SUOX: variants seen among roughly 807,000 people sequenced by gnomAD.
SUOX encodes sulfite oxidase, also known as sulfite oxidase, mitochondrial.
In SUOX, 39 loss-of-function variants were observed where a neutral mutation model predicts 41.9. That is an observed-to-expected ratio of 0.93 (90% CI 0.72 to 1.21). The LOEUF (loss-of-function observed/expected upper bound fraction) is 1.21. SUOX is among the 50% of genes most tolerant of loss of function. SUOX has a pLI of 0.00. For missense variants in SUOX, 633 were observed against 689.5 expected (o/e 0.92, Z 0.92); for synonymous variants, 220 against 268.4 (o/e 0.82, Z 1.76).
chr12:55,998,197 G>A (rs1340171513), intron 2 of SUOX, among the ~76,000 whole-genome samples: 1 of 152,110 alleles, frequency 6.6e-6, no homozygotes, highest in Non-Finnish European at 1.5e-5. Context: ...CTTTTCCTGA[G>A]TTTCAGTTAG....
In SUOX at chr12:56,004,254, A is replaced by C; in HGVS notation, c.865A>C (p.Ser289Arg). The change falls in exon 5 of 5, where the codon AGC (serine) becomes CGC (arginine). Residue 289 changes from serine to arginine, a missense_variant. Physicochemically the swap from Ser to Arg is moderately radical, Grantham distance 110. Coordinates refer to ENST00000266971, the MANE Select transcript of SUOX (RefSeq NM_001032386.2). This position sits in a 1 kb window ranked among gnomAD's most constrained non-coding sequence, Gnocchi z 4.5. ...KGLEWRTGAI[S>R]TARWAGARLC... is the part of the protein sequence containing the mutation. ...TCTGGAGTGGAGAACAGGAGCCATC[A>C]GCACTGCACGCTGGGCTGGGGCACG... is the stretch of plus-strand genomic sequence containing the variant. 1 of 1,614,166 alleles carries C rather than the reference A, an allele frequency of 6.2e-7. No homozygotes were observed. Among genetic ancestry groups the C allele is most frequent in the Non-Finnish European group, 8.5e-7 (1 of 1,180,038 alleles).
At chr12:56,000,868 C>A (rs1890493376) in intron 2 of SUOX, among the ~76,000 whole-genome samples, 1 of 151,790 alleles carries the variant, frequency 6.6e-6, no homozygotes, top group Admixed American at 6.6e-5. Flanking sequence ...CTCACTGCAA[C>A]CTCCGCCTCC....
At chr12:55,999,234 CTG>C (rs1890420711) in intron 2 of SUOX, 1 of 152,258 alleles carries the variant, frequency 6.6e-6, no homozygotes, top group South Asian at 2.1e-4. Flanking sequence ...TCAGCTCACT[CTG>C]TAACCTCAAA....
At position 56,004,647 on chromosome 12, in the gene SUOX, A is replaced by G. The variant is rs1306481807; in HGVS notation, c.1258A>G (p.Ile420Val). The G allele has an allele frequency of 1.2e-6, 2 of 1,613,782 alleles. No homozygotes were observed. Among genetic ancestry groups the G allele is most frequent in the African/African-American group, 1.3e-5 (1 of 74,910 alleles). ...TGTAGATTTTGACTCTGCTCCATCC[A>G]TTCAGGAACTTCCTGTCCAGTCGGC... ...ETVDFDSAPSIQELPVQSAIT... is the reference protein window; with the variant it reads ...ETVDFDSAPSVQELPVQSAIT... Residue 420 changes from isoleucine to valine, a missense_variant, in exon 5 of 5, where the codon ATT (isoleucine) becomes GTT (valine). Transcript: ENST00000266971. This position sits in a 1 kb window ranked among gnomAD's most constrained non-coding sequence, Gnocchi z 4.5.
Position 56,004,290 on chromosome 12 carries a change from G to A in SUOX, c.901G>A (p.Val301Met). The stretch of plus-strand genomic sequence containing the variant: ...CTGGGCTGGGGCACGGCTCTGTGAT[G>A]TGTTAGCCCAGGCTGGCCACCAACT... ...ARWAGARLCDVLAQAGHQLCE... is the reference protein window; with the variant it reads ...ARWAGARLCDMLAQAGHQLCE... The change falls in exon 5 of 5, where the codon GTG becomes ATG. Residue 301 changes from valine to methionine, a missense_variant. Coordinates refer to ENST00000266971, the MANE Select transcript of SUOX (RefSeq NM_001032386.2). The surrounding 1 kb of genome is among the most constrained non-coding windows in gnomAD (Gnocchi z 4.5). 6.2e-7 allele frequency: 1 copy of A among 1,614,086 alleles called. No individual in the cohort carries two copies.
chr12:55,999,711 C>T (rs1298542580), intron 2 of SUOX: 1 of 152,288 alleles, frequency 6.6e-6, no homozygotes, highest in Admixed American at 6.5e-5. Flanking sequence ...CGGGTTGCCA[C>T]TGCTGGCTTG....
chr12:56,004,897 A>T lies in SUOX; in HGVS notation c.1508A>T (p.Glu503Val), dbSNP rs1471125916. The T allele has an allele frequency of 1.9e-6, 3 of 1,614,134 alleles. No individual in the cohort carries two copies. Among genetic ancestry groups the T allele is most frequent in the Non-Finnish European group, 2.5e-6 (3 of 1,180,012 alleles). Reference sequence around the variant, plus strand: ...GCCCCTGTGCCAGCTGGACAAAAGGAACTGAACATTGTTTGTAAGGCTGTG... The same window carrying T: ...GCCCCTGTGCCAGCTGGACAAAAGGTACTGAACATTGTTTGTAAGGCTGTG... ...LKAPVPAGQK[E>V]LNIVCKAVDD... The change falls in exon 5 of 5, where the codon GAA (glutamate) becomes GTA (valine). Residue 503 changes from glutamate to valine, a missense_variant. By Grantham distance (121) the Glu-to-Val change is moderately radical. Coordinates refer to ENST00000266971, the MANE Select transcript of SUOX (RefSeq NM_001032386.2). The surrounding 1 kb of genome is among the most constrained non-coding windows in gnomAD (Gnocchi z 4.5).
At chr12:56,003,009 G>A in intron 4 of SUOX, 1 of 323,282 alleles carries the variant, frequency 3.1e-6, no homozygotes, top group South Asian at 3.7e-5. Context: ...CTCCAGCCTG[G>A]GTGACAGAGT....
At chr12:56,002,407 T>G in intron 3 of SUOX, 136 bp downstream of exon 3, 1 of 1,497,108 alleles carries the variant, frequency 6.7e-7, no homozygotes, top group Non-Finnish European at 9.2e-7. Flanking sequence ...GATCCCACTT[T>G]TCCCACCTAT....
At chr12:56,001,118 C>A (rs1484647750) in intron 2 of SUOX, among the ~76,000 whole-genome samples, 1 of 51,276 alleles carries the variant, frequency 2.0e-5, no homozygotes, top group Non-Finnish European at 3.4e-5. Flanking sequence ...GTTAATCTCT[C>A]TTTTTTTTTT....
chr12:56,004,615 G>A lies in SUOX; in HGVS notation c.1226G>A (p.Trp409Ter), dbSNP rs750159667. ...DYKGFSPSVD[W>*]ETVDFDSAPS... is the part of the protein sequence containing the mutation. The stretch of plus-strand genomic sequence containing the variant: ...AAAGGCTTCTCTCCATCTGTGGACT[G>A]GGAGACTGTAGATTTTGACTCTGCT... The change falls in exon 5 of 5, where the codon TGG becomes TAG. Residue 409 changes from tryptophan (W) to a stop codon, truncating the protein, a stop_gained. Transcript: ENST00000266971. LOFTEE classifies it high-confidence loss of function. The surrounding 1 kb of genome is among the most constrained non-coding windows in gnomAD (Gnocchi z 4.5). 1.2e-6 allele frequency: 2 copies of A among 1,614,188 alleles called. No individual in the cohort carries two copies. The highest frequency in any genetic ancestry group is 8.5e-7 in the Non-Finnish European group (1 of 1,180,036).
intron 2 of SUOX, 115 bp from the exon 3 acceptor site, chr12:56,002,097 C>T (rs1890551704): frequency 5.3e-6 from 8 of 1,513,912 alleles, no homozygotes; most frequent in Non-Finnish European, 7.2e-6. Context: ...CCTCACTTGC[C>T]CAGAAAGCTC....
intron 2 of SUOX, among the ~76,000 whole-genome samples, chr12:55,999,981 C>G (rs549124174): frequency 1.3e-5 from 2 of 152,198 alleles, no homozygotes; most frequent in Admixed American, 1.3e-4. Flanking sequence ...ATTCACAAAC[C>G]CTGAGCTAGA....
rs1030266051 is a variant in SUOX at position 56,005,254 on chromosome 12, A to C, written c.*227A>C. On this transcript the variant is annotated 3_prime_UTR_variant, in exon 5 of 5. Transcript: ENST00000266971. ...CCAGGAAGTGTGAGCTGTTACAGCA[A>C]GGGGCTAGAAGTGAAAAAAGTAATT... The C allele has an allele frequency of 6.6e-6, 4 of 605,078 alleles. No homozygotes were observed. The South Asian group carries it at 7.9e-5, about 12-fold the overall frequency. 37.5% of individuals were successfully genotyped at this position (605,078 alleles called of 1,614,324 possible). A position where few individuals can be genotyped will look rare whatever the true frequency, so the allele number is the denominator to read the frequency against.
In SUOX at chr12:56,004,227, G is replaced by A. The variant is rs759100706; in HGVS notation, c.838G>A (p.Gly280Ser). Residue 280 changes from glycine to serine, a missense_variant, in exon 5 of 5, where the codon GGT (glycine) becomes AGT (serine). Physicochemically the swap from Gly to Ser is moderately conservative, Grantham distance 56. Transcript: ENST00000266971. The surrounding 1 kb of genome is among the most constrained non-coding windows in gnomAD (Gnocchi z 4.5). ...SEMTQVKEVK[G>S]LEWRTGAIST... Reference sequence around the variant, plus strand: ...GATGACTCAGGTCAAAGAAGTAAAAGGTCTGGAGTGGAGAACAGGAGCCAT... The same window carrying A: ...GATGACTCAGGTCAAAGAAGTAAAAAGTCTGGAGTGGAGAACAGGAGCCAT... The A allele has an allele frequency of 8.7e-6, 14 of 1,614,136 alleles. No individual in the cohort carries two copies. Among genetic ancestry groups the A allele is most frequent in the African/African-American group, 1.3e-5 (1 of 75,044 alleles).
chr12:56,002,440 C>T (rs990675596), intron 3 of SUOX, 103 bp from the exon 4 acceptor site: 3 of 1,555,190 alleles, frequency 1.9e-6, no homozygotes, highest in East Asian at 2.2e-5. Flanking sequence ...TAAGTTCCAA[C>T]TTAAGGAACC....
intron 4 of SUOX, 58 bp from the exon 5 acceptor site, chr12:56,003,560 C>A (rs1392592546): frequency 1.3e-6 from 2 of 1,560,206 alleles, no homozygotes; most frequent in Admixed American, 3.3e-5. Context: ...CACGCCCGAC[C>A]AAGTGATTTC....
chr12:56,000,502 C>A (rs1424092731), intron 2 of SUOX, among the ~76,000 whole-genome samples: 1 of 152,216 alleles, frequency 6.6e-6, no homozygotes, highest in African/African-American at 2.4e-5. Flanking sequence ...CCGCGCTCAG[C>A]CCCGGTTCCC....
chr12:55,999,419 GGTCTCACTGACTTCAAGAATGAAGCC>G (rs941969990), intron 2 of SUOX: 8 of 174,026 alleles, frequency 4.6e-5, no homozygotes, highest in African/African-American at 1.7e-4. Context: ...GTGGGTTCTT[GGTCTCACTGACTTCAAGAATGAAGCC>G]GCGGACCCTC....
Sources: gnomAD v4.1 joint callset for allele counts (sites outside exome capture counted in the v4.1 genomes callset) on GRCh38, gnomAD v4.1.1 for gene constraint, Gnocchi (gnomAD v3.1) non-coding constraint, MANE v1.5 for transcripts, NCBI Gene and HGNC (gene_info 2026-07-23, HGNC 2026-07-21) for gene names.